EIPR1: variants seen among roughly 807,000 people sequenced by gnomAD.
The protein encoded by EIPR1 is EARP complex and GARP complex interacting protein 1, also known as EARP and GARP complex-interacting protein 1.
Under a neutral mutation model 48.1 loss-of-function variants are expected in EIPR1, and 25 were observed. The observed-to-expected ratio is 0.52, with a 90% CI of 0.38 to 0.73. The LOEUF is 0.73. Among genes scored for constraint, EIPR1 ranks in the 30% least tolerant of loss-of-function variants. The probability of loss-of-function intolerance (pLI) is 0.00; values close to 1 mark genes in which losing one functional copy is unlikely to be tolerated. For synonymous variants in EIPR1, 204 were observed against 201.9 expected (o/e 1.01, Z -0.09); for missense variants, 415 against 506.2 (o/e 0.82, Z 1.73).
At chr2:3,335,192 A>T (rs1277874008) in intron 3 of EIPR1, among the ~76,000 whole-genome samples, 1 of 152,168 alleles carries the variant, frequency 6.6e-6, no homozygotes, top group Non-Finnish European at 1.5e-5. Flanking sequence ...AGCTACAGCC[A>T]GTACACACTG....
intron 3 of EIPR1, among the ~76,000 whole-genome samples, chr2:3,263,582 C>T (rs577556497): frequency 6.6e-6 from 1 of 152,352 alleles, no homozygotes; most frequent in Middle Eastern, 3.4e-3. Context: ...CACATCACAT[C>T]GCACCACCTA....
At chr2:3,336,885 A>G (rs1558306916) in intron 3 of EIPR1, among the ~76,000 whole-genome samples, 22 of 68,152 alleles carry the variant, frequency 3.2e-4, no homozygotes, top group Middle Eastern at 7.6e-3. Flanking sequence ...GGGAAGGGAA[A>G]AGGGAAGGGA....
intron 1 of EIPR1, among the ~76,000 whole-genome samples, chr2:3,364,058 T>A (rs1206976253): frequency 1.3e-5 from 2 of 152,146 alleles, no homozygotes; most frequent in African/African-American, 4.8e-5. Context: ...CATACACTAT[T>A]GATGGGAATA....
intron 8 of EIPR1, among the ~76,000 whole-genome samples, chr2:3,191,815 G>A (rs995116968): frequency 2.2e-4 from 33 of 152,214 alleles, no homozygotes; most frequent in Admixed American, 9.8e-4. Flanking sequence ...AGAAATCAAG[G>A]TGCATAGGAA....
At chr2:3,270,110 T>C (rs1442469467) in intron 3 of EIPR1, among the ~76,000 whole-genome samples, 1 of 152,184 alleles carries the variant, frequency 6.6e-6, no homozygotes, top group African/African-American at 2.4e-5. Flanking sequence ...ATATGGATCT[T>C]TATTGATTTA....
chr2:3,353,873 G>A (rs1048484396), intron 2 of EIPR1, among the ~76,000 whole-genome samples: 1 of 152,186 alleles, frequency 6.6e-6, no homozygotes, highest in Non-Finnish European at 1.5e-5. Flanking sequence ...CCGGACAGAA[G>A]CCCTAGACCA....
At chr2:3,243,904 T>C (rs891222849) in intron 4 of EIPR1, among the ~76,000 whole-genome samples, 1 of 152,208 alleles carries the variant, frequency 6.6e-6, no homozygotes, top group Non-Finnish European at 1.5e-5. Context: ...CTCACAGTCC[T>C]GACTCTCCAT....
intron 6 of EIPR1, among the ~76,000 whole-genome samples, chr2:3,196,195 A>G (rs1223199687): frequency 6.6e-6 from 1 of 152,170 alleles, no homozygotes; most frequent in East Asian, 1.9e-4. Context: ...CTAAACCTAA[A>G]GTTGTGCCCC....
intron 4 of EIPR1, among the ~76,000 whole-genome samples, chr2:3,226,068 C>T (rs1572326165): frequency 1.3e-5 from 2 of 152,232 alleles, no homozygotes; most frequent in Non-Finnish European, 2.9e-5. Context: ...TTTTCTACAT[C>T]TTGGCTACTG....
At chr2:3,297,797 C>G (rs545360424) in intron 3 of EIPR1, among the ~76,000 whole-genome samples, 2 of 152,274 alleles carry the variant, frequency 1.3e-5, no homozygotes, top group South Asian at 4.1e-4. Flanking sequence ...CTCTCCTAGA[C>G]CATGAAAAGC....
At chr2:3,227,672 C>T (rs190711999) in intron 4 of EIPR1, among the ~76,000 whole-genome samples, 95 of 152,352 alleles carry the variant, frequency 6.2e-4, no homozygotes, top group African/African-American at 1.9e-3. Flanking sequence ...AAGCTGCTCC[C>T]ATCACAGGCC....
chr2:3,230,639 C>T (rs548146893), intron 4 of EIPR1, among the ~76,000 whole-genome samples: 1 of 152,238 alleles, frequency 6.6e-6, no homozygotes, highest in South Asian at 2.1e-4. Flanking sequence ...TTCTTGGTAT[C>T]TTTCTCAAAG....
At chr2:3,205,081 T>C (rs1197335109) in intron 5 of EIPR1, among the ~76,000 whole-genome samples, 1 of 152,150 alleles carries the variant, frequency 6.6e-6, no homozygotes, top group Non-Finnish European at 1.5e-5. Context: ...ACAGCAAGGC[T>C]GTGGTGTCTA....
chr2:3,210,056 T>A (rs1665390112), intron 5 of EIPR1, among the ~76,000 whole-genome samples: 1 of 151,828 alleles, frequency 6.6e-6, no homozygotes, highest in Non-Finnish European at 1.5e-5. Flanking sequence ...CCCGTATGGG[T>A]TAATCAGTGA....
intron 4 of EIPR1, among the ~76,000 whole-genome samples, chr2:3,223,649 AG>A (rs1306706019): frequency 5.9e-5 from 9 of 152,222 alleles, no homozygotes; most frequent in African/African-American, 1.9e-4. Flanking sequence ...ACTAAAAAAG[AG>A]GCTTTGCTTG....
chr2:3,325,186 G>A (rs1035181683), intron 3 of EIPR1, among the ~76,000 whole-genome samples: 11 of 152,196 alleles, frequency 7.2e-5, no homozygotes, highest in African/African-American at 2.4e-4. Context: ...TGCAAGGGCC[G>A]GCGGTCAGGA....
chr2:3,208,423 C>T (rs1665308273), intron 5 of EIPR1: 1 of 1,469,884 alleles, frequency 6.8e-7, no homozygotes, highest in Non-Finnish European at 9.0e-7. Context: ...GACCACGTCA[C>T]CTTCAGACAC....
At chr2:3,262,605 G>C (rs1225632417) in intron 3 of EIPR1, among the ~76,000 whole-genome samples, 1 of 152,230 alleles carries the variant, frequency 6.6e-6, no homozygotes, top group Non-Finnish European at 1.5e-5. Flanking sequence ...TGCTTCTGGG[G>C]ACGCCTAGTA....
chr2:3,275,271 G>A (rs1174502032), intron 3 of EIPR1, among the ~76,000 whole-genome samples: 2 of 149,890 alleles, frequency 1.3e-5, no homozygotes, highest in Non-Finnish European at 2.9e-5. Flanking sequence ...TGCCAAAATA[G>A]ATCTGAGCAA....
Sources: gnomAD v4.1 joint callset for allele counts (sites outside exome capture counted in the v4.1 genomes callset) on GRCh38, gnomAD v4.1.1 for gene constraint, MANE v1.5 for transcripts, NCBI Gene and HGNC (gene_info 2026-07-23, HGNC 2026-07-21) for gene names.